SPTLC3: variants seen among roughly 807,000 people sequenced by gnomAD.
The protein encoded by SPTLC3 is serine palmitoyltransferase long chain base subunit 3, also known as serine palmitoyltransferase 3.
In SPTLC3, 36 loss-of-function variants were observed where a neutral mutation model predicts 59.3. The ratio of observed to expected loss-of-function variants is 0.61; its 90% confidence interval spans 0.47 to 0.80. The LOEUF is 0.80. SPTLC3 is among the 30% of genes least tolerant of loss of function. SPTLC3 has a pLI of 0.00. For missense variants in SPTLC3, 625 were observed against 685.1 expected (o/e 0.91, Z 0.98); for synonymous variants, 257 against 240.8 (o/e 1.07, Z -0.62).
intron 4 of SPTLC3, among the ~76,000 whole-genome samples, chr20:13,081,017 G>A (rs1406404890): frequency 2.6e-5 from 4 of 152,112 alleles, no homozygotes; most frequent in Non-Finnish European, 4.4e-5. Flanking sequence ...GGATTAAGTT[G>A]CTTAAACTCA....
intron 2 of SPTLC3, among the ~76,000 whole-genome samples, chr20:13,071,857 T>A (rs1257460917): frequency 6.6e-6 from 1 of 152,118 alleles, no homozygotes; most frequent in African/African-American, 2.4e-5. Flanking sequence ...TTCAAGTTCA[T>A]CCCCACTTCT....
chr20:13,013,765 A>T (rs1482132046), intron 1 of SPTLC3, among the ~76,000 whole-genome samples: 1 of 152,218 alleles, frequency 6.6e-6, no homozygotes, highest in East Asian at 1.9e-4. Flanking sequence ...ACTATAGCAA[A>T]TGTTACAGTT....
Position 13,074,435 on chromosome 20 carries a change from G to A in SPTLC3, c.545G>A (p.Arg182Lys). The change falls in exon 4 of 12, where the codon AGG becomes AAG. Residue 182 changes from arginine to lysine, a missense_variant. Physicochemically the swap from Arg to Lys is conservative, Grantham distance 26 (BLOSUM62 2). Coordinates refer to ENST00000399002, the MANE Select transcript of SPTLC3 (RefSeq NM_018327.4). ...GLAAKYDESM[R>K]TIKDVLEVYG... ...GCAGCCAAGTATGATGAGTCTATGA[G>A]GACAATAAAGGATGTTTTAGAGGTG... 6.2e-7 allele frequency: 1 copy of A among 1,614,080 alleles called. No individual in the cohort carries two copies. Among genetic ancestry groups the A allele is most frequent in the Admixed American group, 1.7e-5 (1 of 60,022 alleles).
chr20:13,150,607 G>T (rs2038620182), intron 9 of SPTLC3, among the ~76,000 whole-genome samples: 1 of 152,082 alleles, frequency 6.6e-6, no homozygotes, highest in South Asian at 2.1e-4. Flanking sequence ...TCCCTCTCTG[G>T]TTGCTGCTAT....
intron 1 of SPTLC3, among the ~76,000 whole-genome samples, chr20:13,014,042 T>G (rs1194815790): frequency 6.6e-6 from 1 of 152,202 alleles, no homozygotes; most frequent in Non-Finnish European, 1.5e-5. Flanking sequence ...TAGCCCAGGC[T>G]TTTTTACAGG....
chr20:13,145,047 T>C (rs2038477582), intron 9 of SPTLC3, among the ~76,000 whole-genome samples: 1 of 152,124 alleles, frequency 6.6e-6, no homozygotes, highest in African/African-American at 2.4e-5. Context: ...AGTGCTGGGA[T>C]TACAGGTGTG....
intron 8 of SPTLC3, among the ~76,000 whole-genome samples, chr20:13,121,034 A>C (rs2037854232): frequency 6.6e-6 from 1 of 152,246 alleles, no homozygotes; most frequent in Non-Finnish European, 1.5e-5. Context: ...GGAAAGCCTA[A>C]GCTGATGGGA....
At chr20:13,157,958 T>A (rs1401989341) in intron 10 of SPTLC3, among the ~76,000 whole-genome samples, 1 of 152,244 alleles carries the variant, frequency 6.6e-6, no homozygotes, top group African/African-American at 2.4e-5. Flanking sequence ...GAAAATATAG[T>A]CTGTAGCCAG....
At chr20:13,078,492 T>A in intron 4 of SPTLC3, among the ~76,000 whole-genome samples, 1 of 151,910 alleles carries the variant, frequency 6.6e-6, no homozygotes, top group Non-Finnish European at 1.5e-5. Flanking sequence ...TCAAAGAGAT[T>A]GTACTATGAT....
chr20:13,031,262 C>T (rs190341714), intron 1 of SPTLC3, among the ~76,000 whole-genome samples: 66 of 152,294 alleles, frequency 4.3e-4, no homozygotes, highest in African/African-American at 1.4e-3. Context: ...ATATTGAGCA[C>T]TTGAAATGTG....
chr20:13,111,708 T>C (rs917881842), intron 7 of SPTLC3, among the ~76,000 whole-genome samples: 3 of 152,210 alleles, frequency 2.0e-5, no homozygotes, highest in Admixed American at 2.0e-4. Context: ...CATTCAGGCC[T>C]AGATTCGTGG....
At chr20:13,018,675 T>A (rs1194976334) in intron 1 of SPTLC3, among the ~76,000 whole-genome samples, 1 of 152,234 alleles carries the variant, frequency 6.6e-6, no homozygotes, top group Non-Finnish European at 1.5e-5. Context: ...ATTAATTTTA[T>A]CTATTGGTTA....
chr20:13,144,861 G>A (rs1368744092), intron 9 of SPTLC3, among the ~76,000 whole-genome samples: 19 of 152,214 alleles, frequency 1.2e-4, no homozygotes, highest in South Asian at 8.3e-4. Context: ...TGCAAGCTCC[G>A]CCTCCCAGGT....
chr20:13,069,988 CA>C (rs1334726754), intron 2 of SPTLC3, among the ~76,000 whole-genome samples: 2 of 151,970 alleles, frequency 1.3e-5, no homozygotes, highest in African/African-American at 4.8e-5. Context: ...TAGAGAAACA[CA>C]ACATTTGGGG....
chr20:13,164,335 A>G lies in SPTLC3; in HGVS notation c.1546-419A>G, dbSNP rs145025478. 2.4e-3 allele frequency: 1,140 copies of G among 471,906 alleles called. 8 individuals carry two copies. The highest frequency in any genetic ancestry group is 0.021 in the African/African-American group (1,060 of 50,180). 29.2% of individuals were successfully genotyped at this position (471,906 alleles called of 1,614,324 possible). The stretch of plus-strand genomic sequence containing the variant: ...GATGATGTTAATCAGCTCCCGCAAC[A>G]TTCCTCTTTGTTCTTGGCCAGGTGA... On this transcript the variant is annotated intron_variant, in intron 11 of 11. Coordinates refer to ENST00000399002, the MANE Select transcript of SPTLC3 (RefSeq NM_018327.4).
chr20:13,021,770 A>G (rs959838375), intron 1 of SPTLC3, among the ~76,000 whole-genome samples: 25 of 152,152 alleles, frequency 1.6e-4, no homozygotes, highest in African/African-American at 5.8e-4. Flanking sequence ...CAAACTAACG[A>G]GCAGCACCCT....
intron 11 of SPTLC3, among the ~76,000 whole-genome samples, chr20:13,163,964 T>C (rs1368855692): frequency 1.3e-5 from 2 of 152,154 alleles, no homozygotes; most frequent in East Asian, 3.9e-4. Flanking sequence ...GCAGGTTTGT[T>C]ACATATGTAT....
chr20:13,118,338 AT>A lies in SPTLC3; in HGVS notation c.1152+615del, dbSNP rs201872189. On this transcript the variant is annotated intron_variant, in intron 8 of 11. Transcript: ENST00000399002. ...CATACACCATAGGTCAAATCCTGCC[AT>A]TCTCCAATATCTTATCAATATGCCT... Among the ~76,000 whole-genome samples the A allele has an allele frequency of 7.6e-4, 115 of 150,600 alleles. 2 individuals carry two copies. The East Asian group carries it at 0.02, about 26-fold the overall frequency.
intron 1 of SPTLC3, among the ~76,000 whole-genome samples, chr20:13,034,983 C>A (rs1390554201): frequency 6.6e-6 from 1 of 152,124 alleles, no homozygotes; most frequent in Non-Finnish European, 1.5e-5. Flanking sequence ...TCTCTCTATT[C>A]ATTGCTACTG....
Sources: gnomAD v4.1 joint callset for allele counts (sites outside exome capture counted in the v4.1 genomes callset) on GRCh38, gnomAD v4.1.1 for gene constraint, MANE v1.5 for transcripts, NCBI Gene and HGNC (gene_info 2026-07-23, HGNC 2026-07-21) for gene names.